The following XRCC1 variants were observed in gnomAD, a reference collection of about 807,000 sequenced individuals.
XRCC1 encodes the protein X-ray repair cross complementing 1.
In XRCC1, 52 loss-of-function variants were observed where a neutral mutation model predicts 83.3. The ratio of observed to expected loss-of-function variants is 0.62; its 90% CI spans 0.50 to 0.79. XRCC1 has a LOEUF of 0.79. Ranked by LOEUF, XRCC1 falls within the 30% of genes least tolerant of loss-of-function variation. The pLI, the probability that XRCC1 is intolerant of heterozygous loss-of-function variation, is 0.00. For missense variants in XRCC1, 793 were observed against 823.5 expected, an observed-to-expected ratio of 0.96 and a Z score of 0.45; for synonymous variants, 281 against 312.6, an observed-to-expected ratio of 0.90 and a Z score of 1.07.
chr19:43,551,656 G>A lies in XRCC1; in HGVS notation c.1114C>T (p.Gln372Ter), dbSNP rs376615629. Residue 372 changes from glutamine (Q) to a stop codon, truncating the protein, a stop_gained, in exon 10 of 17, where the codon CAG (glutamine) becomes TAG (stop). Transcript: ENST00000262887. LOFTEE classifies it high-confidence loss of function. ...ATGCGGCCTCCCAGGCCTAGGACCT[G>A]GCTGTACTTGGGGGTGTTGGCAAAG... ...CAFANTPKYS[Q>*]VLGLGGRIVR... is the part of the protein sequence containing the mutation. 26 of 1,614,066 alleles carry A rather than the reference G, an allele frequency of 1.6e-5. No individual in the cohort carries two copies. Among genetic ancestry groups the A allele is most frequent in the Non-Finnish European group, 2.1e-5 (25 of 1,180,038 alleles).
intron 2 of XRCC1, chr19:43,574,620 AG>A: frequency 2.7e-6 from 1 of 371,164 alleles, no homozygotes; most frequent in Non-Finnish European, 5.1e-6. Flanking sequence ...CAGGAGGCAG[AG>A]TACGTGGCAA....
chr19:43,574,881 G>C, intron 2 of XRCC1, 29 bp downstream of exon 2: 8 of 1,584,544 alleles, frequency 5.0e-6, no homozygotes, highest in Non-Finnish European at 6.9e-6. Context: ...CAGACTCCTA[G>C]TGAGGAGGAG....
chr19:43,575,527 T>G lies in XRCC1; in HGVS notation c.-69A>C, dbSNP rs1350080696. 1.3e-5 allele frequency: 19 copies of G among 1,480,342 alleles called. No individual in the cohort carries two copies. The highest frequency in any genetic ancestry group is 3.6e-5 in the Admixed American group (2 of 54,966). 91.7% of individuals were successfully genotyped at this position (1,480,342 alleles called of 1,614,324 possible). ...TATGGGGTCCGAGGGGCAGGGAGAG[T>G]GGGAGGGGGCGGGGTGCGCCCTGCG... On this transcript the variant is annotated 5_prime_UTR_variant, in exon 1 of 17. Coordinates refer to ENST00000262887, the MANE Select transcript of XRCC1 (RefSeq NM_006297.3).
intron 2 of XRCC1, among the ~76,000 whole-genome samples, chr19:43,569,814 A>G (rs924719645): frequency 1.3e-5 from 2 of 152,226 alleles, no homozygotes; most frequent in African/African-American, 4.8e-5. Flanking sequence ...AATCATCTAC[A>G]GCTACACTGA....
chr19:43,550,826 G>A (rs3213372), intron 10 of XRCC1, among the ~76,000 whole-genome samples: 90 of 152,242 alleles, frequency 5.9e-4, no homozygotes, highest in Non-Finnish European at 9.3e-4. Flanking sequence ...CGCTCTCTGC[G>A]GGCCACCCTG....
At chr19:43,553,883 A>T (rs1972608591) in intron 4 of XRCC1, 200 bp from the exon 5 acceptor site, 1 of 508,384 alleles carries the variant, frequency 2.0e-6, no homozygotes, top group African/African-American at 1.9e-5. Context: ...GTCTGGCTCC[A>T]AGCCCTTTTC....
chr19:43,548,212 C>A (rs1224203748), intron 10 of XRCC1, among the ~76,000 whole-genome samples: 1 of 151,976 alleles, frequency 6.6e-6, no homozygotes. Context: ...CGCCTCTGCC[C>A]GGCCGCCCCT....
At chr19:43,565,722 G>C (rs1192841039) in intron 2 of XRCC1, among the ~76,000 whole-genome samples, 1 of 152,194 alleles carries the variant, frequency 6.6e-6, no homozygotes, top group Non-Finnish European at 1.5e-5. Flanking sequence ...AATCACTTGA[G>C]GCCAGGAGTT....
intron 2 of XRCC1, among the ~76,000 whole-genome samples, chr19:43,563,025 C>T (rs1028406005): frequency 2.6e-5 from 4 of 152,230 alleles, no homozygotes; most frequent in East Asian, 1.9e-4. Flanking sequence ...CAACAGTCCA[C>T]GCGTGCTCCT....
rs758294467 is a variant in XRCC1 at position 43,543,638 on chromosome 19, G to C, written c.1762C>G (p.Gln588Glu). ...TCCTCAAAGCTGGGATCCCATTCCT[G>C]TGCTGTGATCACAAACTGAACCCGG... is the stretch of plus-strand genomic sequence containing the variant. ...SDRVQFVITA[Q>E]EWDPSFEEAL... is the part of the protein sequence containing the mutation. The change falls in exon 16 of 17, where the codon CAG (glutamine) becomes GAG (glutamate). Residue 588 changes from glutamine (Q) to glutamate (E), a missense_variant. Physicochemically the swap from Gln to Glu is conservative, Grantham distance 29. Transcript: ENST00000262887. 1.9e-6 allele frequency: 3 copies of C among 1,613,814 alleles called. No homozygotes were observed. The Admixed American group carries it at 5.0e-5, about 27-fold the overall frequency.
At chr19:43,547,690 A>C (rs1972527141) in intron 10 of XRCC1, among the ~76,000 whole-genome samples, 1 of 148,380 alleles carries the variant, frequency 6.7e-6, no homozygotes, top group Non-Finnish European at 1.5e-5. Flanking sequence ...AGTACATACG[A>C]GGTTTCATCA....
chr19:43,572,950 T>TTTGG, intron 2 of XRCC1, among the ~76,000 whole-genome samples: 1 of 147,632 alleles, frequency 6.8e-6, no homozygotes, highest in Admixed American at 6.8e-5. Context: ...TTTTTTTTTT[T>TTTGG]GAGATACAGT....
chr19:43,560,816 C>T, intron 3 of XRCC1, 94 bp downstream of exon 3: 4 of 1,024,746 alleles, frequency 3.9e-6, no homozygotes, highest in Non-Finnish European at 6.1e-6. Flanking sequence ...TCACATCTGC[C>T]CCATGTCTTC....
chr19:43,551,922 G>A, intron 9 of XRCC1, 95 bp downstream of exon 9: 2 of 1,348,090 alleles, frequency 1.5e-6, no homozygotes, highest in South Asian at 1.2e-5. Flanking sequence ...GAGAAAGCAT[G>A]CAGCATAGTG....
intron 10 of XRCC1, among the ~76,000 whole-genome samples, chr19:43,548,646 A>C (rs1600044512): frequency 1.3e-5 from 2 of 152,108 alleles, no homozygotes; most frequent in African/African-American, 4.8e-5. Context: ...GGAAGGCCGC[A>C]GGGTCCTCTG....
At chr19:43,560,061 A>T (rs556603936) in intron 3 of XRCC1, among the ~76,000 whole-genome samples, 9 of 151,948 alleles carry the variant, frequency 5.9e-5, no homozygotes, top group African/African-American at 2.2e-4. Flanking sequence ...AGCCTGGGCA[A>T]CGGAAATGAA....
rs3213399 is a variant in XRCC1 at position 43,543,555 on chromosome 19, C to T, written c.1789-50G>A. 1.2e-4 allele frequency: 195 copies of T among 1,613,322 alleles called. 3 individuals are homozygous for T. The African/African-American group carries it at 1.8e-3, about 15-fold the overall frequency. On this transcript the variant is annotated intron_variant, in intron 16 of 16. Coordinates refer to ENST00000262887, the MANE Select transcript of XRCC1 (RefSeq NM_006297.3). ...CGGGAATGTGTCATCGAGGGGAGGA[C>T]GGAGGAGATGCAAAGGTGTGCCCGG...
rs1351787612 is a variant in XRCC1, at chr19:43,554,859, A to C, written c.256-55T>G. ...ACCAGGGCAGGTTGGCTTAGATGAG[A>C]GCTTCTAGGGGCTGGGGAAGAGGGC... On this transcript the variant is annotated intron_variant, in intron 3 of 16. Transcript: ENST00000262887. 4 of 1,569,994 alleles carry C rather than the reference A, an allele frequency of 2.5e-6. No individual in the cohort carries two copies. The African/African-American group carries it at 4.1e-5, about 16-fold the overall frequency.
At chr19:43,554,567 T>C (rs1972615447) in intron 4 of XRCC1, 79 bp downstream of exon 4, 5 of 1,505,496 alleles carry the variant, frequency 3.3e-6, no homozygotes, top group Non-Finnish European at 2.7e-6. Flanking sequence ...CTCCCAGCCC[T>C]ATGGGACTCA....
Sources: allele counts gnomAD v4.1 joint callset (sites outside exome capture counted in the v4.1 genomes callset), GRCh38; gene constraint gnomAD v4.1.1; transcripts MANE v1.5; gene names NCBI Gene and HGNC (gene_info 2026-07-23, HGNC 2026-07-21).